DIP2C: variants seen among roughly 807,000 people sequenced by gnomAD.
The protein encoded by DIP2C is DIP2 acetate--CoA ligase C (putative).
DIP2C carries 33 observed loss-of-function variants against 192.4 expected under a neutral mutation model. That is an observed-to-expected ratio of 0.17 (90% CI 0.13 to 0.23). The LOEUF (loss-of-function observed/expected upper bound fraction) is 0.23. Among genes scored for constraint, DIP2C ranks in the 10% least tolerant of loss-of-function variants. The pLI is 1.00. For synonymous variants in DIP2C, 979 were observed against 864.1 expected, an observed-to-expected ratio of 1.13 and a Z score of -2.33; for missense variants, 1,537 against 2,110.1, an observed-to-expected ratio of 0.73 and a Z score of 5.32.
chr10:578,984 C>T (rs914378993), intron 1 of DIP2C, among the ~76,000 whole-genome samples: 4 of 151,980 alleles, frequency 2.6e-5, no homozygotes, highest in South Asian at 2.1e-4. Context: ...ATGTAGTGTA[C>T]ATATGTAGGT....
intron 24 of DIP2C, among the ~76,000 whole-genome samples, chr10:354,986 G>A (rs1015381770): frequency 6.6e-6 from 1 of 151,894 alleles, no homozygotes; most frequent in Non-Finnish European, 1.5e-5. Flanking sequence ...GTTAGCAAAG[G>A]GGGTATCATC....
intron 1 of DIP2C, among the ~76,000 whole-genome samples, chr10:508,264 G>A (rs1208380476): frequency 6.6e-6 from 1 of 152,044 alleles, no homozygotes; most frequent in African/African-American, 2.4e-5. Context: ...TTTCCCCAGA[G>A]CCCCTCACCC....
chr10:419,216 C>T lies in DIP2C; in HGVS notation c.605-17G>A. The T allele has an allele frequency of 6.2e-7, 1 of 1,614,046 alleles. No homozygotes were observed. Among genetic ancestry groups the T allele is most frequent in the Non-Finnish European group, 8.5e-7 (1 of 1,179,968 alleles). On this transcript the variant is annotated splice_polypyrimidine_tract_variant and intron_variant, in intron 5 of 36. Transcript: ENST00000280886. ...AATGATTTTCTGTAAAGAAACACAT[C>T]ATGAGATTTTCTGGTGGTTGTGATG...
chr10:353,526 A>G (rs1412052194), intron 24 of DIP2C, among the ~76,000 whole-genome samples: 3 of 152,158 alleles, frequency 2.0e-5, no homozygotes, highest in Non-Finnish European at 4.4e-5. Context: ...AGTAGCTGGG[A>G]TTACAGGCAT....
At chr10:302,089 A>G in intron 32 of DIP2C, among the ~76,000 whole-genome samples, 1 of 152,282 alleles carries the variant, frequency 6.6e-6, no homozygotes, top group South Asian at 2.1e-4. Context: ...GAGCAGAAAT[A>G]AAGGAAAAAC....
chr10:592,447 GGTTT>G (rs1471351193), intron 1 of DIP2C, among the ~76,000 whole-genome samples: 1 of 152,144 alleles, frequency 6.6e-6, no homozygotes, highest in African/African-American at 2.4e-5. Context: ...GATGAATGAC[GGTTT>G]GTTCCCACCA....
chr10:349,645 G>A (rs906984127), intron 24 of DIP2C, among the ~76,000 whole-genome samples, 191 bp from the exon 25 acceptor site: 6 of 152,174 alleles, frequency 3.9e-5, no homozygotes, highest in African/African-American at 1.4e-4. Context: ...CTACATATAC[G>A]TTAGAGGTCA....
chr10:617,794 C>A (rs926814109), intron 1 of DIP2C, among the ~76,000 whole-genome samples: 11 of 152,140 alleles, frequency 7.2e-5, no homozygotes, highest in African/African-American at 2.7e-4. Flanking sequence ...AAACCCAGCT[C>A]CACCATCCAG....
chr10:674,789 T>TATATATATATATAGAG lies in DIP2C; in HGVS notation c.85+14704_85+14705insCTCTATATATATATAT. The stretch of plus-strand genomic sequence containing the variant: ...CATCTCAAATATATATATATATATA[T>TATATATATATATAGAG]AGAGAGAGAGAGAGAGAGAGAGAGA... On this transcript the variant is annotated intron_variant, in intron 1 of 36. Transcript: ENST00000280886. Among the ~76,000 whole-genome samples, 137 of 62,472 alleles carry TATATATATATATAGAG rather than the reference T, an allele frequency of 2.2e-3. 1 individual carries two copies. The highest frequency in any genetic ancestry group is 5.0e-3 in the East Asian group (9 of 1,818). The allele number at this position is 62,472 out of a possible 152,430, so 41.0% of individuals were successfully genotyped here. A position where few individuals can be genotyped will look rare whatever the true frequency, so the allele number is the denominator to read the frequency against.
chr10:373,918 G>A (rs2132819423), intron 17 of DIP2C, among the ~76,000 whole-genome samples: 1 of 152,240 alleles, frequency 6.6e-6, no homozygotes, highest in South Asian at 2.1e-4. Flanking sequence ...CAGAGCTCAG[G>A]GCCTTCGCAG....
intron 9 of DIP2C, among the ~76,000 whole-genome samples, chr10:401,310 G>A (rs139050230): frequency 1.3e-5 from 2 of 150,730 alleles, no homozygotes; most frequent in Non-Finnish European, 3.0e-5. Context: ...GACAAGTTTG[G>A]TATGTGTTCA....
rs1172584696 is a variant in DIP2C at position 619,533 on chromosome 10, G to GCCCTCCCTCCCT, written c.85+69960_85+69961insAGGGAGGGAGGG. On this transcript the variant is annotated intron_variant, in intron 1 of 36. Transcript: ENST00000280886. ...TTATGCCAGGGCCAGGACCAAGCCC[G>GCCCTCCCTCCCT]CCCGCCCGCCCTCCCACCCAGCTCC... is the stretch of plus-strand genomic sequence containing the variant. Among the ~76,000 whole-genome samples the GCCCTCCCTCCCT allele has an allele frequency of 4.1e-4, 16 of 38,828 alleles. 1 individual carries two copies. Among genetic ancestry groups the GCCCTCCCTCCCT allele is most frequent in the African/African-American group, 1.6e-3 (16 of 9,966 alleles). The allele number at this position is 38,828 out of a possible 152,430, so 25.5% of individuals were successfully genotyped here.
intron 24 of DIP2C, among the ~76,000 whole-genome samples, chr10:351,471 C>T (rs75227209): frequency 0.026 from 4,015 of 152,284 alleles, 163 homozygotes; most frequent in African/African-American, 0.092. Flanking sequence ...CGTCACTGCC[C>T]GGTGGGTCTT....
chr10:563,463 A>T (rs1361897105), intron 1 of DIP2C, among the ~76,000 whole-genome samples: 1 of 152,234 alleles, frequency 6.6e-6, no homozygotes, highest in Non-Finnish European at 1.5e-5. Flanking sequence ...GAAAGTGACA[A>T]ATCAGTATTC....
chr10:607,283 A>G (rs537501052), intron 1 of DIP2C, among the ~76,000 whole-genome samples: 3 of 152,346 alleles, frequency 2.0e-5, no homozygotes, highest in Admixed American at 2.0e-4. Context: ...AACGGTCCTC[A>G]GCTGAGCTGC....
chr10:302,229 C>A (rs1589426808), intron 32 of DIP2C, among the ~76,000 whole-genome samples: 1 of 152,212 alleles, frequency 6.6e-6, no homozygotes, highest in African/African-American at 2.4e-5. Context: ...AAGCACCTGA[C>A]GCATACCAAG....
intron 31 of DIP2C, among the ~76,000 whole-genome samples, chr10:326,663 C>T (rs1020674368): frequency 1.7e-4 from 26 of 152,344 alleles, no homozygotes; most frequent in Admixed American, 8.5e-4. Context: ...CGTCTACACG[C>T]GTGGGACTAA....
chr10:490,236 C>CA (rs1384473157), intron 1 of DIP2C, among the ~76,000 whole-genome samples: 2 of 152,232 alleles, frequency 1.3e-5, no homozygotes, highest in African/African-American at 4.8e-5. Context: ...CACATTGGTT[C>CA]AGGCTGAATG....
intron 1 of DIP2C, among the ~76,000 whole-genome samples, chr10:554,987 A>G (rs1268302365): frequency 6.6e-6 from 1 of 152,208 alleles, no homozygotes; most frequent in Non-Finnish European, 1.5e-5. Context: ...ATGGAGTCTC[A>G]CAGTACAGAA....
Sources: gnomAD v4.1 joint callset for allele counts (sites outside exome capture counted in the v4.1 genomes callset) on GRCh38, gnomAD v4.1.1 for gene constraint, MANE v1.5 for transcripts, NCBI Gene and HGNC (gene_info 2026-07-23, HGNC 2026-07-21) for gene names.